The following IGF2R variants were observed in gnomAD, a reference collection of about 807,000 sequenced individuals.
IGF2R encodes cation-independent mannose-6-phosphate receptor.
In IGF2R, 91 loss-of-function variants were observed where a neutral mutation model predicts 270.6. That is an observed-to-expected ratio of 0.34 (90% CI 0.28 to 0.40). The LOEUF (loss-of-function observed/expected upper bound fraction) is 0.40, where lower values mean the gene tolerates loss of function less well. IGF2R is among the 10% of genes least tolerant of loss of function. The pLI is 1.00. For synonymous variants in IGF2R, 1,316 were observed against 1,258.9 expected (o/e 1.05, Z -0.96); for missense variants, 2,805 against 3,188.3 (o/e 0.88, Z 2.90).
At chr6:160,021,723 A>G (rs1777440011) in intron 4 of IGF2R, among the ~76,000 whole-genome samples, 1 of 152,178 alleles carries the variant, frequency 6.6e-6, no homozygotes, top group Non-Finnish European at 1.5e-5. Context: ...AAAAAGTCAA[A>G]AAACAACAGA....
chr6:160,094,504 C>T (rs1473819233), intron 44 of IGF2R: 1 of 156,470 alleles, frequency 6.4e-6, no homozygotes, highest in East Asian at 1.9e-4. Context: ...CTCAGAATCT[C>T]CTCTGTTCTA....
intron 23 of IGF2R, 53 bp from the exon 24 acceptor site, chr6:160,061,450 G>C: frequency 6.3e-7 from 1 of 1,579,534 alleles, no homozygotes; most frequent in Non-Finnish European, 8.7e-7. Flanking sequence ...GGCAGTTCTT[G>C]AGTGCTCACA....
chr6:159,970,201 G>A (rs1404378307), intron 1 of IGF2R, among the ~76,000 whole-genome samples: 1 of 152,084 alleles, frequency 6.6e-6, no homozygotes, highest in African/African-American at 2.4e-5. Flanking sequence ...CCAGGGCCTG[G>A]GGAACTTCGA....
At chr6:159,997,959 A>G (rs1480761737) in intron 2 of IGF2R, among the ~76,000 whole-genome samples, 3 of 152,162 alleles carry the variant, frequency 2.0e-5, no homozygotes, top group Admixed American at 6.5e-5. Flanking sequence ...CTCTCTCTCT[A>G]CAAAGAGACC....
In IGF2R at chr6:160,047,070, G is replaced by A. The variant is rs1394443473; in HGVS notation, c.2052-89G>A. ...GGGCCTGGTTCTGGTGACTCCTCACGTCGCTCACGGGCCCTCCCTTCAGTG... is the reference window on the plus strand; with the variant it reads ...GGGCCTGGTTCTGGTGACTCCTCACATCGCTCACGGGCCCTCCCTTCAGTG... On this transcript the variant is annotated intron_variant, in intron 15 of 47. Coordinates refer to ENST00000356956, the MANE Select transcript of IGF2R (RefSeq NM_000876.4). 2.2e-5 allele frequency: 27 copies of A among 1,251,052 alleles called. No homozygotes were observed. The South Asian group carries it at 2.3e-4, about 11-fold the overall frequency. The allele number at this position is 1,251,052 out of a possible 1,614,324, so 77.5% of individuals were successfully genotyped here. A position where few individuals can be genotyped will look rare whatever the true frequency, so the allele number is the denominator to read the frequency against.
intron 33 of IGF2R, 82 bp from the exon 34 acceptor site, chr6:160,073,131 T>G (rs1242160197): frequency 1.6e-5 from 25 of 1,556,742 alleles, no homozygotes; most frequent in Non-Finnish European, 2.1e-5. Flanking sequence ...AAATTGATGG[T>G]CCTGACTTGC....
At chr6:160,089,463 G>A (rs1386269890) in intron 43 of IGF2R, among the ~76,000 whole-genome samples, 2 of 152,230 alleles carry the variant, frequency 1.3e-5, no homozygotes, top group African/African-American at 4.8e-5. Context: ...TCTCATGAGT[G>A]TAAAAATAAA....
intron 25 of IGF2R, 131 bp from the exon 26 acceptor site, chr6:160,062,401 T>G: frequency 1.4e-6 from 1 of 692,374 alleles, no homozygotes; most frequent in South Asian, 1.6e-5. Flanking sequence ...CTTGAACTCC[T>G]GAACTTGTGA....
At chr6:160,072,095 AC>A in intron 32 of IGF2R, 59 bp downstream of exon 32, 2 of 1,607,320 alleles carry the variant, frequency 1.2e-6, no homozygotes, top group Non-Finnish European at 1.7e-6. Context: ...CCCCCACCAA[AC>A]CCAGCTCATC....
At chr6:160,056,607 G>A (rs1002868623) in intron 20 of IGF2R, 82 bp downstream of exon 20, 11 of 889,104 alleles carry the variant, frequency 1.2e-5, no homozygotes, top group East Asian at 2.4e-5. Flanking sequence ...GCTCTGAACC[G>A]ACCCCTGCCC....
chr6:159,997,959 A>T (rs1480761737), intron 2 of IGF2R, among the ~76,000 whole-genome samples: 2 of 152,162 alleles, frequency 1.3e-5, no homozygotes, highest in East Asian at 3.8e-4. Flanking sequence ...CTCTCTCTCT[A>T]CAAAGAGACC....
At chr6:159,987,821 T>A (rs1017240598) in intron 1 of IGF2R, among the ~76,000 whole-genome samples, 4 of 152,240 alleles carry the variant, frequency 2.6e-5, no homozygotes, top group African/African-American at 9.6e-5. Context: ...AAGCTGTGAC[T>A]AAGAACTCTG....
chr6:160,048,613 T>C (rs1050517434), intron 18 of IGF2R, 70 bp downstream of exon 18: 3 of 1,492,640 alleles, frequency 2.0e-6, no homozygotes, highest in Non-Finnish European at 2.7e-6. Context: ...GAGGTGGTTA[T>C]TCTGGGACAT....
chr6:160,091,130 A>G (rs1250155385), intron 44 of IGF2R, among the ~76,000 whole-genome samples: 1 of 131,608 alleles, frequency 7.6e-6, no homozygotes, highest in Non-Finnish European at 1.6e-5. Flanking sequence ...GAGAAGGAGC[A>G]GGTGCTCCGT....
intron 47 of IGF2R, 38 bp downstream of exon 47, chr6:160,103,853 C>T (rs767805094): frequency 2.9e-6 from 4 of 1,388,686 alleles, no homozygotes; most frequent in Non-Finnish European, 4.1e-6. Flanking sequence ...GGCCTGCCTC[C>T]CCGGCCCCCT....
intron 2 of IGF2R, among the ~76,000 whole-genome samples, chr6:160,008,125 G>C (rs996568942): frequency 1.3e-5 from 2 of 152,158 alleles, no homozygotes; most frequent in Non-Finnish European, 2.9e-5. Flanking sequence ...GTTTGTGTTG[G>C]GCTGCATTCA....
intron 1 of IGF2R, among the ~76,000 whole-genome samples, chr6:159,978,331 T>G (rs1271472985): frequency 6.6e-6 from 1 of 151,950 alleles, no homozygotes; most frequent in Admixed American, 6.6e-5. Flanking sequence ...ATGAGGAGCT[T>G]GATAATTCGA....
intron 41 of IGF2R, among the ~76,000 whole-genome samples, chr6:160,086,607 T>G (rs1384934490): frequency 6.6e-6 from 1 of 152,228 alleles, no homozygotes; most frequent in East Asian, 1.9e-4. Context: ...AAGTTTTTTC[T>G]TGTTTGATCC....
At chr6:160,021,080 A>G (rs1583264043) in intron 4 of IGF2R, among the ~76,000 whole-genome samples, 1 of 152,208 alleles carries the variant, frequency 6.6e-6, no homozygotes, top group East Asian at 1.9e-4. Flanking sequence ...CAGAATCTAC[A>G]AAGAATGCAG....
Sources: allele counts gnomAD v4.1 joint callset (sites outside exome capture counted in the v4.1 genomes callset), GRCh38; gene constraint gnomAD v4.1.1; transcripts MANE v1.5; gene names NCBI Gene and HGNC (gene_info 2026-07-23, HGNC 2026-07-21).